Variants in RYR2 observed in about 807,000 individuals in gnomAD.
The protein encoded by RYR2 is ryanodine receptor 2, also known as cardiac muscle ryanodine receptor-calcium release channel.
A neutral mutation model predicts 601.1 loss-of-function variants in RYR2; 227 were observed. That is an observed-to-expected ratio of 0.38 (90% CI 0.34 to 0.42). The LOEUF (loss-of-function observed/expected upper bound fraction) is 0.42. Ranked by LOEUF, RYR2 falls within the 10% of genes least tolerant of loss-of-function variation. The pLI is 1.00. For missense variants in RYR2, 4,646 were observed against 6,156.5 expected, an observed-to-expected ratio of 0.75 and a Z score of 8.21; for synonymous variants, 2,223 against 2,175.1, an observed-to-expected ratio of 1.02 and a Z score of -0.61.
intron 1 of RYR2, among the ~76,000 whole-genome samples, chr1:237,258,926 G>A (rs948019208): frequency 1.3e-5 from 2 of 152,082 alleles, no homozygotes; most frequent in African/African-American, 4.8e-5. Flanking sequence ...AAGCATTGAT[G>A]AAAGTTTATA....
intron 2 of RYR2, among the ~76,000 whole-genome samples, chr1:237,310,616 A>G (rs1365091915): frequency 6.6e-6 from 1 of 152,124 alleles, no homozygotes; most frequent in Non-Finnish European, 1.5e-5. Context: ...CCTTGAATTC[A>G]ACTTTGGAGA....
chr1:237,139,568 G>C (rs1272357214), intron 1 of RYR2, among the ~76,000 whole-genome samples: 1 of 152,198 alleles, frequency 6.6e-6, no homozygotes, highest in Non-Finnish European at 1.5e-5. Flanking sequence ...ATGATATTAA[G>C]TAGGGAGTGA....
intron 25 of RYR2, among the ~76,000 whole-genome samples, chr1:237,535,484 T>TACAC (rs58146773): frequency 0.032 from 4,673 of 144,664 alleles, 88 homozygotes; most frequent in Middle Eastern, 0.08. Context: ...CAAACACACA[T>TACAC]ACACACACAC....
Position 237,503,456 on chromosome 1 carries a change from T to C in RYR2, c.2564T>C (p.Val855Ala). The C allele has an allele frequency of 6.2e-7, 1 of 1,613,806 alleles. No homozygotes were observed. Reference protein sequence around the residue: ...TYTRDLLGPTVSLTQAAFTPI... With the variant: ...TYTRDLLGPTASLTQAAFTPI... ...ACACGCGACCTGCTGGGCCCCACAG[T>C]TTCCCTGACGCAAGCTGCCTTCACA... The change falls in exon 22 of 105, where the codon GTT becomes GCT. Residue 855 changes from valine to alanine, a missense_variant. Around this residue, in one of 17 missense-constraint regions of RYR2, gnomAD observed 1,807 missense variants for 2,088.1 expected, o/e 0.87. Transcript: ENST00000366574.
chr1:237,103,940 T>A (rs1385970816), intron 1 of RYR2, among the ~76,000 whole-genome samples: 2 of 149,812 alleles, frequency 1.3e-5, no homozygotes, highest in Non-Finnish European at 2.9e-5. Context: ...CAACCGAGAA[T>A]TCTGTCTCTT....
In RYR2 at chr1:237,655,873, C is replaced by T. The variant is rs869025513; in HGVS notation, c.8018C>T (p.Ala2673Val). 1.2e-5 allele frequency: 20 copies of T among 1,608,520 alleles called. No homozygotes were observed. Among genetic ancestry groups the T allele is most frequent in the East Asian group, 8.9e-5 (4 of 44,700 alleles). Residue 2673 changes from alanine (A) to valine (V), a missense_variant, in exon 53 of 105, where the codon GCG becomes GTG. Coordinates refer to ENST00000366574, the MANE Select transcript of RYR2 (RefSeq NM_001035.3). ...GCACTGCCTTGCCTGAGTGCAGTTGCGGGAGCTTTGCCTCCAGACTACATG... is the reference window on the plus strand; with the variant it reads ...GCACTGCCTTGCCTGAGTGCAGTTGTGGGAGCTTTGCCTCCAGACTACATG... Reference protein sequence around the residue: ...KLALPCLSAVAGALPPDYMES... With the variant: ...KLALPCLSAVVGALPPDYMES...
chr1:237,694,018 G>A (rs554013663), intron 63 of RYR2, among the ~76,000 whole-genome samples: 25 of 152,276 alleles, frequency 1.6e-4, no homozygotes, highest in African/African-American at 6.0e-4. Context: ...AAATTGGCCG[G>A]GTGCGGTGGC....
chr1:237,211,610 C>A (rs1382906590), intron 1 of RYR2, among the ~76,000 whole-genome samples: 1 of 152,198 alleles, frequency 6.6e-6, no homozygotes, highest in African/African-American at 2.4e-5. Context: ...GAATCATCTA[C>A]TTTCCAGAAG....
At position 237,614,702 on chromosome 1, in the gene RYR2, G is replaced by A. The variant is rs752393757; in HGVS notation, c.5574G>A (p.Glu1858=). ...PSVFKEAATP[E]EESDTLEKEL... The stretch of plus-strand genomic sequence containing the variant: ...TGTTTAAAGAAGCTGCCACTCCGGA[G>A]GAGGAGAGTGACACGCTGGAGAAAG... Residue 1858 remains glutamate (E), a synonymous_variant, in exon 37 of 105, where the codon GAG becomes GAA. Coordinates refer to ENST00000366574, the MANE Select transcript of RYR2 (RefSeq NM_001035.3). The surrounding 1 kb of genome is among the most constrained non-coding windows in gnomAD (Gnocchi z 4.3). The A allele has an allele frequency of 5.0e-6, 8 of 1,614,026 alleles. No homozygotes were observed. The Admixed American group carries it at 1.3e-4, about 27-fold the overall frequency.
intron 48 of RYR2, among the ~76,000 whole-genome samples, chr1:237,646,739 C>T (rs545473071): frequency 6.6e-6 from 1 of 152,078 alleles, no homozygotes; most frequent in Non-Finnish European, 1.5e-5. Context: ...AGCTCTTGGC[C>T]CAGACTGATT....
At chr1:237,058,531 G>T (rs1394995531) in intron 1 of RYR2, among the ~76,000 whole-genome samples, 1 of 152,162 alleles carries the variant, frequency 6.6e-6, no homozygotes, top group East Asian at 1.9e-4. Flanking sequence ...AAAGGTAAAA[G>T]CTTTCAACAA....
At position 237,042,473 on chromosome 1, in the gene RYR2, C is replaced by G; in HGVS notation, c.-49C>G. 2 of 1,241,074 alleles carry G rather than the reference C, an allele frequency of 1.6e-6. No homozygotes were observed. Among genetic ancestry groups the G allele is most frequent in the Non-Finnish European group, 2.0e-6 (2 of 983,920 alleles). 76.9% of individuals were successfully genotyped at this position (1,241,074 alleles called of 1,614,324 possible). On this transcript the variant is annotated 5_prime_UTR_variant, in exon 1 of 105. Coordinates refer to ENST00000366574, the MANE Select transcript of RYR2 (RefSeq NM_001035.3). The stretch of plus-strand genomic sequence containing the variant: ...CAGCGCCAGGGGCCGCCGCCGCCGC[C>G]GAGCTCCGCGGGGCTCGGGAGCCGG...
intron 1 of RYR2, among the ~76,000 whole-genome samples, chr1:237,090,530 T>C (rs1666850996): frequency 6.6e-6 from 1 of 152,194 alleles, no homozygotes; most frequent in Non-Finnish European, 1.5e-5. Context: ...AGTGCAGCCC[T>C]GCAGAACCAT....
At chr1:237,274,706 A>G (rs1289322363) in intron 2 of RYR2, among the ~76,000 whole-genome samples, 2 of 152,172 alleles carry the variant, frequency 1.3e-5, no homozygotes. Flanking sequence ...GACTCACCAG[A>G]GTAACTTCCG....
chr1:237,607,810 T>C (rs1043800450), intron 35 of RYR2, among the ~76,000 whole-genome samples: 2 of 152,188 alleles, frequency 1.3e-5, no homozygotes, highest in South Asian at 2.1e-4. Flanking sequence ...ATAGAGTAGA[T>C]AGTTTTATTA....
At chr1:237,090,760 G>T (rs1258651222) in intron 1 of RYR2, among the ~76,000 whole-genome samples, 1 of 152,168 alleles carries the variant, frequency 6.6e-6, no homozygotes, top group Non-Finnish European at 1.5e-5. Flanking sequence ...TCTGGCATTT[G>T]ATTTTTGAAT....
intron 1 of RYR2, among the ~76,000 whole-genome samples, chr1:237,065,772 C>T (rs533831917): frequency 1.3e-5 from 2 of 152,314 alleles, no homozygotes; most frequent in East Asian, 3.9e-4. Context: ...GTTTAATTGG[C>T]TCATGGTTCC....
intron 4 of RYR2, among the ~76,000 whole-genome samples, chr1:237,363,198 C>T (rs1223283094): frequency 2.0e-5 from 3 of 151,796 alleles, no homozygotes; most frequent in Admixed American, 1.3e-4. Flanking sequence ...TTGCCTAATT[C>T]TTTAGTGATA....
chr1:237,321,400 A>G (rs1695617712), intron 2 of RYR2, among the ~76,000 whole-genome samples: 1 of 152,088 alleles, frequency 6.6e-6, no homozygotes, highest in East Asian at 1.9e-4. Flanking sequence ...ATTGTTTTTT[A>G]AATAACAGAT....
Sources: gnomAD v4.1 joint callset for allele counts (sites outside exome capture counted in the v4.1 genomes callset) on GRCh38, gnomAD v4.1.1 for gene constraint, gnomAD v4.1.1 regional missense constraint, Gnocchi (gnomAD v3.1) non-coding constraint, MANE v1.5 for transcripts, NCBI Gene and HGNC (gene_info 2026-07-23, HGNC 2026-07-21) for gene names.